CACNA2D3: variants seen among roughly 807,000 people sequenced by gnomAD.
CACNA2D3 encodes the protein calcium voltage-gated channel auxiliary subunit alpha2delta 3.
Under a neutral mutation model 160.6 loss-of-function variants are expected in CACNA2D3, and 60 were observed. The observed-to-expected ratio is 0.37, with a 90% CI of 0.30 to 0.46. CACNA2D3 has a LOEUF of 0.46. Ranked by LOEUF, CACNA2D3 falls within the 20% of genes least tolerant of loss-of-function variation. The probability of loss-of-function intolerance (pLI) is 1.00; values close to 1 mark genes in which losing one functional copy is unlikely to be tolerated. For synonymous variants in CACNA2D3, 558 were observed against 492.9 expected, an observed-to-expected ratio of 1.13 and a Z score of -1.75; for missense variants, 1,205 against 1,365.0, an observed-to-expected ratio of 0.88 and a Z score of 1.85.
intron 27 of CACNA2D3, chr3:54,918,664 CTTGGCTTGGGT>C (rs762183991): frequency 6.2e-7 from 1 of 1,614,162 alleles, no homozygotes; most frequent in Non-Finnish European, 8.5e-7. Context: ...GTTGGCCGGC[CTTGGCTTGGGT>C]TTGAGCTCGC....
intron 4 of CACNA2D3, among the ~76,000 whole-genome samples, chr3:54,415,262 G>T (rs1311763826): frequency 6.6e-6 from 1 of 152,130 alleles, no homozygotes; most frequent in Non-Finnish European, 1.5e-5. Flanking sequence ...CCCTTAGGTT[G>T]TTGATTATTC....
intron 3 of CACNA2D3, among the ~76,000 whole-genome samples, chr3:54,323,992 C>A (rs1317289011): frequency 6.6e-6 from 1 of 152,140 alleles, no homozygotes; most frequent in Non-Finnish European, 1.5e-5. Flanking sequence ...ACAAACAACC[C>A]TGATTTATTA....
intron 13 of CACNA2D3, among the ~76,000 whole-genome samples, chr3:54,776,404 C>T (rs1343158808): frequency 6.6e-6 from 1 of 152,006 alleles, no homozygotes; most frequent in African/African-American, 2.4e-5. Flanking sequence ...GGTCCCAGCT[C>T]CTCGGAAGGC....
intron 11 of CACNA2D3, among the ~76,000 whole-genome samples, chr3:54,719,180 T>TA (rs11482279): frequency 1.9e-4 from 28 of 148,040 alleles, no homozygotes; most frequent in African/African-American, 5.1e-4. Flanking sequence ...TTTTTTTTTT[T>TA]ATCTTGTTAC....
At chr3:54,513,596 C>G (rs145225420) in intron 5 of CACNA2D3, among the ~76,000 whole-genome samples, 57 of 152,312 alleles carry the variant, frequency 3.7e-4, no homozygotes, top group African/African-American at 1.2e-3. Flanking sequence ...CACCCGGGCT[C>G]CACACTGCCT....
intron 13 of CACNA2D3, among the ~76,000 whole-genome samples, chr3:54,805,109 A>G (rs994600468): frequency 7.2e-5 from 11 of 152,384 alleles, no homozygotes; most frequent in African/African-American, 2.6e-4. Context: ...GGAAAGATCC[A>G]AAATTGACAC....
At chr3:54,205,785 G>C (rs1415760046) in intron 2 of CACNA2D3, among the ~76,000 whole-genome samples, 1 of 152,184 alleles carries the variant, frequency 6.6e-6, no homozygotes, top group Non-Finnish European at 1.5e-5. Context: ...AGGGAGGTAA[G>C]AAAGGGTTGC....
intron 2 of CACNA2D3, among the ~76,000 whole-genome samples, chr3:54,262,920 A>G (rs1702431706): frequency 6.6e-6 from 1 of 152,180 alleles, no homozygotes. Flanking sequence ...ATTTAAGTAA[A>G]TCAGGAATCT....
intron 27 of CACNA2D3, among the ~76,000 whole-genome samples, chr3:54,934,949 G>A (rs1302641617): frequency 9.9e-5 from 15 of 152,178 alleles, no homozygotes; most frequent in Admixed American, 9.8e-4. Context: ...TGTTGGCCAG[G>A]CTGGTCTCGA....
intron 4 of CACNA2D3, among the ~76,000 whole-genome samples, chr3:54,408,991 G>A (rs1303782176): frequency 6.6e-6 from 1 of 152,168 alleles, no homozygotes; most frequent in Non-Finnish European, 1.5e-5. Context: ...AAAATGTTGT[G>A]AGCTCCATGA....
intron 5 of CACNA2D3, among the ~76,000 whole-genome samples, chr3:54,524,836 G>A (rs1701700098): frequency 6.6e-6 from 1 of 152,048 alleles, no homozygotes. Flanking sequence ...AAGAAGGGTT[G>A]CTGTTTCCAT....
At position 54,533,332 on chromosome 3, in the gene CACNA2D3, CTTTTT is replaced by C. The variant is rs60076440; in HGVS notation, c.545-29451_545-29447del. 1.6e-4 allele frequency among the ~76,000 whole-genome samples: 16 copies of C among 97,298 alleles called. No homozygotes were observed. In the South Asian group the frequency reaches 1.8e-3, roughly 11 times the overall value. The allele number at this position is 97,298 out of a possible 152,430, so 63.8% of individuals were successfully genotyped here. A position where few individuals can be genotyped will look rare whatever the true frequency, so the allele number is the denominator to read the frequency against. On this transcript the variant is annotated intron_variant, in intron 5 of 37. Transcript: ENST00000474759. ...GGGCTAACGTATTTTCTTTTCTTTC[CTTTTT>C]TTTTTTTTTTTTTTTTGAGACAGAG...
At chr3:54,129,457 A>G (rs181194823) in intron 2 of CACNA2D3, among the ~76,000 whole-genome samples, 113 of 152,244 alleles carry the variant, frequency 7.4e-4, no homozygotes, top group African/African-American at 2.1e-3. Flanking sequence ...TTAAATTTAT[A>G]TGTTGCATAG....
At chr3:54,443,947 T>G (rs1700182636) in intron 4 of CACNA2D3, among the ~76,000 whole-genome samples, 1 of 152,190 alleles carries the variant, frequency 6.6e-6, no homozygotes, top group Non-Finnish European at 1.5e-5. Context: ...TGATTCTCTT[T>G]GCTTCTGGAC....
intron 11 of CACNA2D3, among the ~76,000 whole-genome samples, chr3:54,748,587 C>A (rs1208567577): frequency 6.6e-6 from 1 of 151,558 alleles, no homozygotes; most frequent in Non-Finnish European, 1.5e-5. Context: ...TTTTTTCACC[C>A]CTGCCTTTGA....
At chr3:55,062,456 A>AC (rs984242104) in intron 35 of CACNA2D3, among the ~76,000 whole-genome samples, 4 of 152,128 alleles carry the variant, frequency 2.6e-5, no homozygotes, top group African/African-American at 9.7e-5. Context: ...CGTGTAGAAA[A>AC]CAAAAAAAAG....
chr3:54,555,020 G>C (rs116519897), intron 5 of CACNA2D3, among the ~76,000 whole-genome samples: 3,501 of 151,666 alleles, frequency 0.023, 120 homozygotes, highest in African/African-American at 0.081. Flanking sequence ...GATTACAGGA[G>C]CACACCACCC....
intron 5 of CACNA2D3, 104 bp downstream of exon 5, chr3:54,503,758 T>G (rs1191960750): frequency 3.0e-6 from 3 of 1,014,010 alleles, no homozygotes; most frequent in Middle Eastern, 2.1e-4. Flanking sequence ...TTCATTTTTT[T>G]TGAAAAGCAC....
At chr3:54,608,867 G>A (rs1394227369) in intron 9 of CACNA2D3, among the ~76,000 whole-genome samples, 1 of 152,202 alleles carries the variant, frequency 6.6e-6, no homozygotes, top group Non-Finnish European at 1.5e-5. Context: ...GTGTGGGGAG[G>A]TGAATGGACC....
Sources: gnomAD v4.1 joint callset for allele counts (sites outside exome capture counted in the v4.1 genomes callset) on GRCh38, gnomAD v4.1.1 for gene constraint, MANE v1.5 for transcripts, NCBI Gene and HGNC (gene_info 2026-07-23, HGNC 2026-07-21) for gene names.